ZNF490: variants seen among roughly 807,000 people sequenced by gnomAD.
ZNF490 encodes zinc finger protein 490.
ZNF490 carries 11 observed loss-of-function variants against 17.7 expected under a neutral mutation model. The ratio of observed to expected loss-of-function variants is 0.62; its 90% CI spans 0.39 to 1.03. The LOEUF is 1.03. Ranked by LOEUF, ZNF490 falls within the 50% of genes least tolerant of loss-of-function variation. The probability of loss-of-function intolerance (pLI) is 0.00; values close to 1 mark genes in which losing one functional copy is unlikely to be tolerated. For synonymous variants in ZNF490, 222 were observed against 216.1 expected (o/e 1.03, Z -0.24); for missense variants, 542 against 643.4 (o/e 0.84, Z 1.71).
chr19:12,592,745 T>C (rs1385212619), intron 2 of ZNF490, among the ~76,000 whole-genome samples: 1 of 152,230 alleles, frequency 6.6e-6, no homozygotes, highest in Non-Finnish European at 1.5e-5. Context: ...ACATCACTTA[T>C]AACAGATGTA....
At chr19:12,596,612 GT>G (rs1262938207) in intron 2 of ZNF490, among the ~76,000 whole-genome samples, 1 of 151,978 alleles carries the variant, frequency 6.6e-6, no homozygotes, top group Non-Finnish European at 1.5e-5. Flanking sequence ...ATGCAGTGAG[GT>G]TTGATGGCGC....
chr19:12,583,762 T>C (rs1020790503), intron 2 of ZNF490, among the ~76,000 whole-genome samples: 1 of 23,064 alleles, frequency 4.3e-5, no homozygotes, highest in Non-Finnish European at 9.3e-5. Flanking sequence ...TTGCGCTCTC[T>C]CTCTCTCTCT....
In ZNF490 at chr19:12,610,627, T is replaced by G. The variant is rs540617195; in HGVS notation, c.54A>C (p.Gln18His). ...GACTAGACGACCACTTGCTCTGGAC[T>G]TGCTCCTCGAGGGGTCGCTCCATCT... ...SFQMERPLEEQVQSKWSSSQG... is the reference protein window; with the variant it reads ...SFQMERPLEEHVQSKWSSSQG... The change falls in exon 1 of 5, where the codon CAA becomes CAC. Residue 18 changes from glutamine to histidine, a missense_variant. Transcript: ENST00000311437. The G allele has an allele frequency of 6.2e-7, 1 of 1,613,962 alleles. No individual in the cohort carries two copies. The highest frequency in any genetic ancestry group is 1.1e-5 in the South Asian group (1 of 91,068).
chr19:12,584,555 G>GA (rs2022793025), intron 2 of ZNF490, among the ~76,000 whole-genome samples: 1 of 94,474 alleles, frequency 1.1e-5, no homozygotes, highest in African/African-American at 3.2e-5. Context: ...TTCCTCGTGA[G>GA]AAAAACTCTT....
At chr19:12,599,458 C>T (rs2022976315) in intron 2 of ZNF490, among the ~76,000 whole-genome samples, 1 of 152,052 alleles carries the variant, frequency 6.6e-6, no homozygotes, top group Non-Finnish European at 1.5e-5. Flanking sequence ...TCATAAAATG[C>T]CATTATGACT....
chr19:12,600,428 A>AATTTGGCTT (rs1194064465), intron 2 of ZNF490, among the ~76,000 whole-genome samples: 1 of 152,144 alleles, frequency 6.6e-6, no homozygotes, highest in African/African-American at 2.4e-5. Context: ...GTAAATGTGA[A>AATTTGGCTT]ATTTGGCTTA....
At chr19:12,597,640 TC>T (rs892932666) in intron 2 of ZNF490, among the ~76,000 whole-genome samples, 6 of 152,218 alleles carry the variant, frequency 3.9e-5, no homozygotes, top group African/African-American at 1.4e-4. Context: ...CACCTACTAT[TC>T]GACTTTTTGA....
At chr19:12,609,071 C>G (rs1205878239) in intron 2 of ZNF490, 87 bp downstream of exon 2, 1 of 1,328,882 alleles carries the variant, frequency 7.5e-7, no homozygotes, top group East Asian at 2.4e-5. Context: ...GAAAGACCCC[C>G]CCACAAAGAG....
intron 2 of ZNF490, among the ~76,000 whole-genome samples, chr19:12,605,744 T>C (rs1000422144): frequency 6.6e-6 from 1 of 152,208 alleles, no homozygotes; most frequent in African/African-American, 2.4e-5. Flanking sequence ...AATTGAATTA[T>C]ATAGCACACC....
In ZNF490 at chr19:12,576,194, A is replaced by C. The variant is rs2022631731; in HGVS notation, c.*4291T>G. ...ATTCAGTGTTAAGGGGGGTGCTCCC[A>C]GGGAAATCAGGCAAGAAAATGCAAG... On this transcript the variant is annotated 3_prime_UTR_variant, in exon 5 of 5. Transcript: ENST00000311437. 6.6e-6 allele frequency among the ~76,000 whole-genome samples: 1 copy of C among 152,154 alleles called. No homozygotes were observed. Among genetic ancestry groups the C allele is most frequent in the Non-Finnish European group, 1.5e-5 (1 of 68,012 alleles).
At chr19:12,593,818 G>T (rs1381534433) in intron 2 of ZNF490, among the ~76,000 whole-genome samples, 1 of 152,136 alleles carries the variant, frequency 6.6e-6, no homozygotes, top group Non-Finnish European at 1.5e-5. Context: ...CTAGGAGAAG[G>T]TAGACCTCCT....
chr19:12,587,284 C>T lies in ZNF490; in HGVS notation c.163-3728G>A, dbSNP rs1393928492. On this transcript the variant is annotated intron_variant, in intron 2 of 4. Coordinates refer to ENST00000311437, the MANE Select transcript of ZNF490 (RefSeq NM_020714.3). Reference sequence around the variant, plus strand: ...GAGTAGCTGGAACTACAGGTGTGCACTACCATCCCTTGATAATTTTGTTTC... The same window carrying T: ...GAGTAGCTGGAACTACAGGTGTGCATTACCATCCCTTGATAATTTTGTTTC... 2.3e-5 allele frequency among the ~76,000 whole-genome samples: 2 copies of T among 87,942 alleles called. 1 individual carries two copies. The highest frequency in any genetic ancestry group is 6.8e-5 in the African/African-American group (2 of 29,210). The allele number at this position is 87,942 out of a possible 152,430, so 57.7% of individuals were successfully genotyped here. A position where few individuals can be genotyped will look rare whatever the true frequency, so the allele number is the denominator to read the frequency against.
In ZNF490 at chr19:12,581,698, TCA is replaced by T. The variant is rs766563411; in HGVS notation, c.375_376del (p.Cys125Ter). ...TCCACATGGACAATCTTCTTTATTT[TCA>T]CAGAGTGCTTCAACCATAGGACTTC... On this transcript the variant is annotated stop_gained and frameshift_variant, in exon 5 of 5. Transcript: ENST00000311437. LOFTEE classifies it low-confidence loss of function (END_TRUNC). 6.2e-7 allele frequency: 1 copy of T among 1,612,946 alleles called. No homozygotes were observed. Among genetic ancestry groups the T allele is most frequent in the Non-Finnish European group, 8.5e-7 (1 of 1,179,342 alleles).
intron 2 of ZNF490, among the ~76,000 whole-genome samples, chr19:12,592,359 A>C (rs2022883352): frequency 6.6e-6 from 1 of 152,018 alleles, no homozygotes. Flanking sequence ...TGGGAGTTCA[A>C]GACCAGCATG....
At chr19:12,608,457 GTATTTATTTATT>G (rs147000880) in intron 2 of ZNF490, among the ~76,000 whole-genome samples, 11 of 149,552 alleles carry the variant, frequency 7.4e-5, no homozygotes, top group South Asian at 6.4e-4. Flanking sequence ...ATTTATTTAT[GTATTTATTTATT>G]TATTTATTTA....
chr19:12,581,358 G>A lies in ZNF490; in HGVS notation c.717C>T (p.Asn239=). ...TCTCTCCAGTATGAATTCTTATATG[G>A]TTTCGAAAGGAAAAGAGAAATGCGA... ...KAFAFLFSFR[N]HIRIHTGETP... The change falls in exon 5 of 5, where the codon AAC becomes AAT. Residue 239 remains asparagine (N), a synonymous_variant. Transcript: ENST00000311437. 1 of 1,613,840 alleles carries A rather than the reference G, an allele frequency of 6.2e-7. No homozygotes were observed. Among genetic ancestry groups the A allele is most frequent in the Non-Finnish European group, 8.5e-7 (1 of 1,179,936 alleles).
intron 2 of ZNF490, among the ~76,000 whole-genome samples, chr19:12,607,736 CA>C (rs34773066): frequency 0.56 from 76,071 of 136,888 alleles, 21,471 homozygotes; most frequent in Non-Finnish European, 0.68. Context: ...ATCCCTGTCT[CA>C]AAAAAAAAAA....
intron 2 of ZNF490, among the ~76,000 whole-genome samples, chr19:12,598,228 AAAC>A (rs765887501): frequency 7.4e-4 from 94 of 126,998 alleles, no homozygotes; most frequent in Middle Eastern, 3.9e-3. Flanking sequence ...GTCTCAAAAA[AAAC>A]AACAATTAAA....
Position 12,577,885 on chromosome 19 carries a change from G to C in ZNF490, c.*2600C>G, listed in dbSNP as rs2145135188. The C allele has an allele frequency of 1.0e-6, 1 of 985,426 alleles. No individual in the cohort carries two copies. The highest frequency in any genetic ancestry group is 1.1e-4 in the East Asian group (1 of 8,822). 61.0% of individuals were successfully genotyped at this position (985,426 alleles called of 1,614,324 possible). On this transcript the variant is annotated 3_prime_UTR_variant, in exon 5 of 5. Coordinates refer to ENST00000311437, the MANE Select transcript of ZNF490 (RefSeq NM_020714.3). Reference sequence around the variant, plus strand: ...AACACACTGACTTGCTAAGAAAAGGGGGGACTGACTCCAACAAAGGACAGA... The same window carrying C: ...AACACACTGACTTGCTAAGAAAAGGCGGGACTGACTCCAACAAAGGACAGA...
Sources: allele counts gnomAD v4.1 joint callset (sites outside exome capture counted in the v4.1 genomes callset), GRCh38; gene constraint gnomAD v4.1.1; transcripts MANE v1.5; gene names NCBI Gene and HGNC (gene_info 2026-07-23, HGNC 2026-07-21).